The following NGEF variants were observed in gnomAD, a reference collection of about 807,000 sequenced individuals.
NGEF encodes the protein ephexin-1.
A neutral mutation model predicts 80.9 loss-of-function variants in NGEF; 31 were observed. The observed-to-expected ratio is 0.38, with a 90% CI of 0.29 to 0.52. The LOEUF (loss-of-function observed/expected upper bound fraction) is 0.52. NGEF is among the 20% of genes least tolerant of loss of function. The pLI, the probability that NGEF is intolerant of heterozygous loss-of-function variation, is 0.84. For missense variants in NGEF, 709 were observed against 926.2 expected (o/e 0.77, Z 3.04); for synonymous variants, 371 against 370.2 (o/e 1.00, Z -0.03).
chr2:232,879,772 G>A lies in NGEF; in HGVS notation c.1943-93C>T, dbSNP rs527308517. On this transcript the variant is annotated intron_variant, in intron 14 of 14. Transcript: ENST00000264051. ...CCTGGCCAGGGCCCCCATCTGTGGC[G>A]GGACACTAGGGGTCCAGCTGGCCTT... 8.5e-6 allele frequency: 10 copies of A among 1,169,730 alleles called. No individual in the cohort carries two copies. In the Middle Eastern group the frequency reaches 6.4e-4, roughly 75 times the overall value. 72.5% of individuals were successfully genotyped at this position (1,169,730 alleles called of 1,614,324 possible). A position where few individuals can be genotyped will look rare whatever the true frequency, so the allele number is the denominator to read the frequency against.
At chr2:232,901,867 C>T (rs1413273363) in intron 5 of NGEF, among the ~76,000 whole-genome samples, 1 of 152,246 alleles carries the variant, frequency 6.6e-6, no homozygotes, top group Non-Finnish European at 1.5e-5. Flanking sequence ...CGTGACACCT[C>T]AGCACAGGCC....
At chr2:232,936,109 C>T (rs1191899260) in intron 3 of NGEF, among the ~76,000 whole-genome samples, 1 of 152,142 alleles carries the variant, frequency 6.6e-6, no homozygotes, top group Non-Finnish European at 1.5e-5. Context: ...GAAGGGACCA[C>T]CTCTGTCGCT....
rs1559238419 is a variant in NGEF, at chr2:232,993,222, AC to A, written c.-74-18259del. On this transcript the variant is annotated intron_variant, in intron 1 of 14. Coordinates refer to ENST00000264051, the MANE Select transcript of NGEF (RefSeq NM_019850.3). Reference sequence around the variant, plus strand: ...TATATATATATTTGCCCGTATAGATACACACATATATATGTATATTTTCAGA... The same window carrying A: ...TATATATATATTTGCCCGTATAGATAACACATATATATGTATATTTTCAGA... Among the ~76,000 whole-genome samples the A allele has an allele frequency of 9.1e-4, 63 of 68,908 alleles. No homozygotes were observed. In the East Asian group the frequency reaches 0.035, roughly 38 times the overall value. The allele number at this position is 68,908 out of a possible 152,430, so 45.2% of individuals were successfully genotyped here.
intron 14 of NGEF, 32 bp downstream of exon 14, chr2:232,881,114 G>C: frequency 6.3e-7 from 1 of 1,576,472 alleles, no homozygotes. Context: ...AAGTTCCCCT[G>C]GGGGCCCCGA....
chr2:233,007,373 G>A (rs1393292473), intron 1 of NGEF, among the ~76,000 whole-genome samples: 1 of 152,230 alleles, frequency 6.6e-6, no homozygotes, highest in African/African-American at 2.4e-5. Context: ...TAGGTTTCTA[G>A]GAAGAACCCT....
At chr2:232,975,914 T>C (rs190191433) in intron 1 of NGEF, among the ~76,000 whole-genome samples, 6 of 152,230 alleles carry the variant, frequency 3.9e-5, no homozygotes, top group Middle Eastern at 6.8e-3. Flanking sequence ...ACCTTCAAAA[T>C]GGTCAGAGAC....
intron 5 of NGEF, among the ~76,000 whole-genome samples, chr2:232,906,148 G>A (rs1285697429): frequency 4.4e-5 from 3 of 68,556 alleles, no homozygotes; most frequent in Admixed American, 1.3e-4. Flanking sequence ...CCGGCCACCC[G>A]CCCCGTCCGG....
intron 8 of NGEF, among the ~76,000 whole-genome samples, chr2:232,888,607 A>G (rs1197634323): frequency 6.6e-6 from 1 of 152,234 alleles, no homozygotes; most frequent in Non-Finnish European, 1.5e-5. Flanking sequence ...CCTCCATCTG[A>G]CAAATGGAGA....
At chr2:232,965,374 A>G (rs1291589870) in intron 3 of NGEF, among the ~76,000 whole-genome samples, 2 of 152,206 alleles carry the variant, frequency 1.3e-5, no homozygotes, top group Non-Finnish European at 2.9e-5. Flanking sequence ...TGAACCAGAG[A>G]TGCTCAAAAT....
rs369896727 is a variant in NGEF at position 232,883,093 on chromosome 2, A to G, written c.1757+218T>C. ...CACACACACACACACGCACACACGC[A>G]CACACGTACACGCGTACACGCATCC... On this transcript the variant is annotated intron_variant, in intron 12 of 14. Coordinates refer to ENST00000264051, the MANE Select transcript of NGEF (RefSeq NM_019850.3). 1.5e-3 allele frequency among the ~76,000 whole-genome samples: 221 copies of G among 152,214 alleles called. No homozygotes were observed. In the East Asian group the frequency reaches 0.02, roughly 14 times the overall value.
At chr2:232,969,342 T>C (rs61426189) in intron 3 of NGEF, among the ~76,000 whole-genome samples, 43,169 of 151,624 alleles carry the variant, frequency 0.28, 6,965 homozygotes, top group East Asian at 0.7. Context: ...AATCCTGGGC[T>C]CAAACAATCT....
chr2:232,964,947 C>A (rs1694026159), intron 3 of NGEF, among the ~76,000 whole-genome samples: 1 of 152,194 alleles, frequency 6.6e-6, no homozygotes, highest in Non-Finnish European at 1.5e-5. Flanking sequence ...TATCTTGGTC[C>A]AGTTGATGGT....
intron 1 of NGEF, among the ~76,000 whole-genome samples, chr2:233,004,710 C>A (rs1264699014): frequency 1.3e-5 from 2 of 152,160 alleles, no homozygotes. Flanking sequence ...TGGCCCCTAC[C>A]TTCCCTCCCC....
chr2:232,970,910 C>T (rs980523372), intron 2 of NGEF, among the ~76,000 whole-genome samples: 1 of 152,094 alleles, frequency 6.6e-6, no homozygotes, highest in Non-Finnish European at 1.5e-5. Context: ...AGAATACAAA[C>T]CTGGCTAATA....
chr2:233,011,319 A>G (rs1457759709), intron 1 of NGEF, among the ~76,000 whole-genome samples: 2 of 152,118 alleles, frequency 1.3e-5, no homozygotes, highest in African/African-American at 2.4e-5. Context: ...AGAGCATCAG[A>G]GCTGACTCCT....
At chr2:232,963,367 A>C (rs542494814) in intron 3 of NGEF, among the ~76,000 whole-genome samples, 3 of 152,150 alleles carry the variant, frequency 2.0e-5, no homozygotes, top group South Asian at 4.1e-4. Flanking sequence ...CCCAAATGTG[A>C]AAATGAAGAG....
Position 232,914,650 on chromosome 2 carries a change from C to A in NGEF, c.828+5634G>T, listed in dbSNP as rs567341200. ...CCCAGGAGGCTAAGGTTACAGCGAACCAAGATTGTGCCACTGCACTCCAGC... is the reference window on the plus strand; with the variant it reads ...CCCAGGAGGCTAAGGTTACAGCGAAACAAGATTGTGCCACTGCACTCCAGC... On this transcript the variant is annotated intron_variant, in intron 5 of 14. Coordinates refer to ENST00000264051, the MANE Select transcript of NGEF (RefSeq NM_019850.3). Among the ~76,000 whole-genome samples the A allele has an allele frequency of 3.9e-5, 6 of 152,266 alleles. No homozygotes were observed. The South Asian group carries it at 1.2e-3, about 32-fold the overall frequency.
chr2:232,990,713 T>C (rs1409086270), intron 1 of NGEF, among the ~76,000 whole-genome samples: 1 of 151,370 alleles, frequency 6.6e-6, no homozygotes, highest in Admixed American at 6.6e-5. Context: ...AAAAATGTTA[T>C]TTTATAGAAG....
At chr2:232,947,459 A>G (rs1348462404) in intron 3 of NGEF, among the ~76,000 whole-genome samples, 1 of 152,096 alleles carries the variant, frequency 6.6e-6, no homozygotes, top group East Asian at 1.9e-4. Flanking sequence ...TGAGGGAGGG[A>G]CGTGATCAGA....
Sources: gnomAD v4.1 joint callset for allele counts (sites outside exome capture counted in the v4.1 genomes callset) on GRCh38, gnomAD v4.1.1 for gene constraint, MANE v1.5 for transcripts, NCBI Gene and HGNC (gene_info 2026-07-23, HGNC 2026-07-21) for gene names.